The following CDH5 variants were observed in gnomAD, a reference collection of about 807,000 sequenced individuals.
CDH5 encodes cadherin-5.
Under a neutral mutation model 62.0 loss-of-function variants are expected in CDH5, and 28 were observed. That is an observed-to-expected ratio of 0.45 (90% CI 0.33 to 0.62). CDH5 has a LOEUF of 0.62. CDH5 is among the 20% of genes least tolerant of loss of function. The probability of loss-of-function intolerance (pLI) is 0.02; values close to 1 mark genes in which losing one functional copy is unlikely to be tolerated. For missense variants in CDH5, 940 were observed against 1,065.1 expected (o/e 0.88, Z 1.63); for synonymous variants, 464 against 445.8 (o/e 1.04, Z -0.52).
intron 1 of CDH5, among the ~76,000 whole-genome samples, chr16:66,370,902 G>A (rs189273657): frequency 3.3e-5 from 5 of 152,306 alleles, no homozygotes; most frequent in Non-Finnish European, 5.9e-5. Flanking sequence ...GAGGAGAGCT[G>A]GCAGGGTGGG....
chr16:66,376,313 T>C (rs1041507905), intron 1 of CDH5: 3 of 152,164 alleles, frequency 2.0e-5, no homozygotes, highest in Admixed American at 6.5e-5. Flanking sequence ...CACATTCATA[T>C]GTGCAGTCCA....
intron 1 of CDH5, chr16:66,377,067 G>A (rs1280583595): frequency 4.6e-5 from 7 of 152,242 alleles, no homozygotes; most frequent in Non-Finnish European, 1.0e-4. Context: ...CTTGAGGCAG[G>A]AAGAAAGAAT....
At chr16:66,386,541 G>A (rs931128503) in intron 2 of CDH5, among the ~76,000 whole-genome samples, 1 of 152,066 alleles carries the variant, frequency 6.6e-6, no homozygotes, top group Non-Finnish European at 1.5e-5. Context: ...TGGATTTGTT[G>A]CTTCTGGGTT....
chr16:66,384,661 C>CAA (rs10630303), intron 2 of CDH5, among the ~76,000 whole-genome samples: 15,092 of 101,482 alleles, frequency 0.15, 1,361 homozygotes, highest in Middle Eastern at 0.24. Flanking sequence ...GTACCTGTCT[C>CAA]AAAAAAAAAA....
At chr16:66,381,053 C>A (rs937972262) in intron 2 of CDH5, among the ~76,000 whole-genome samples, 1 of 152,036 alleles carries the variant, frequency 6.6e-6, no homozygotes, top group Non-Finnish European at 1.5e-5. Context: ...CCAACCCTGC[C>A]GTGAAATTTT....
Position 66,390,553 on chromosome 16 carries a change from A to G in CDH5, c.932A>G (p.Asn311Ser). 6.2e-7 allele frequency: 1 copy of G among 1,613,544 alleles called. No individual in the cohort carries two copies. The highest frequency in any genetic ancestry group is 8.5e-7 in the Non-Finnish European group (1 of 1,179,884). ...CAGGACGCTTTCACCATTGAGACAAACCCCGCCCACAACGAGGGCATCATC... is the reference window on the plus strand; with the variant it reads ...CAGGACGCTTTCACCATTGAGACAAGCCCCGCCCACAACGAGGGCATCATC... ...DYQDAFTIET[N>S]PAHNEGIIKP... The change falls in exon 6 of 12, where the codon AAC (asparagine) becomes AGC (serine). Residue 311 changes from asparagine to serine, a missense_variant. By Grantham distance (46) the Asn-to-Ser change is conservative. Transcript: ENST00000341529.
intron 1 of CDH5, 72 bp from the exon 2 acceptor site, chr16:66,379,247 T>G: frequency 9.8e-6 from 11 of 1,123,430 alleles, no homozygotes; most frequent in Non-Finnish European, 1.3e-5. Context: ...TGCTCTTATG[T>G]GAAATACCTG....
At chr16:66,399,579 T>C (rs1961245986) in intron 10 of CDH5, among the ~76,000 whole-genome samples, 10 of 152,176 alleles carry the variant, frequency 6.6e-5, no homozygotes, top group Admixed American at 6.5e-4. Flanking sequence ...CCCTGATGTG[T>C]TGACAGTCAA....
In CDH5 at chr16:66,403,144, AC is replaced by A. The variant is rs756493399; in HGVS notation, c.2335del (p.Arg779GlyfsTer93). On this transcript the variant is annotated frameshift_variant, in exon 12 of 12. Transcript: ENST00000341529. LOFTEE classifies it high-confidence loss of function. This position sits in a 1 kb window ranked among gnomAD's most constrained non-coding sequence, Gnocchi z 4.3. ...FKMLAELYGS[D>X]PREELLY ...ATGCTGGCTGAGCTGTACGGCTCGGACCCCCGGGAGGAGCTGCTGTATTAGG... is the reference window on the plus strand; with the variant it reads ...ATGCTGGCTGAGCTGTACGGCTCGGACCCCGGGAGGAGCTGCTGTATTAGG... 1.9e-6 allele frequency: 3 copies of A among 1,611,640 alleles called. No homozygotes were observed. The African/African-American group carries it at 4.0e-5, about 22-fold the overall frequency.
In CDH5 at chr16:66,404,742, A is replaced by G. The variant is rs1342313206; in HGVS notation, c.*1573A>G. The G allele has an allele frequency of 2.6e-5, 4 of 152,544 alleles. No homozygotes were observed. The highest frequency in any genetic ancestry group is 1.5e-5 in the Non-Finnish European group (1 of 68,020). 9.4% of individuals were successfully genotyped at this position (152,544 alleles called of 1,614,324 possible). On this transcript the variant is annotated 3_prime_UTR_variant, in exon 12 of 12. Transcript: ENST00000341529. ...CAAACTGGTGCATGACAAGTACTGT[A>G]TTTTTTTATACCTAAATAAAGAAAA...
At chr16:66,381,071 G>A (rs1025839272) in intron 2 of CDH5, among the ~76,000 whole-genome samples, 1 of 152,110 alleles carries the variant, frequency 6.6e-6, no homozygotes, top group Admixed American at 6.5e-5. Flanking sequence ...TTTCCCATTT[G>A]AAAGATCGGA....
At chr16:66,396,305 T>A in intron 8 of CDH5, 104 bp downstream of exon 8, 3 of 1,433,204 alleles carry the variant, frequency 2.1e-6, no homozygotes, top group Non-Finnish European at 2.9e-6. Context: ...GTATTAGAAG[T>A]GCCTGCTGAA....
At chr16:66,374,526 A>G (rs1365069836) in intron 1 of CDH5, among the ~76,000 whole-genome samples, 1 of 152,190 alleles carries the variant, frequency 6.6e-6, no homozygotes, top group Admixed American at 6.5e-5. Flanking sequence ...TGCTGGACAC[A>G]CAACAGAATC....
intron 11 of CDH5, among the ~76,000 whole-genome samples, chr16:66,401,735 G>A (rs529597470): frequency 1.6e-4 from 24 of 152,326 alleles, no homozygotes; most frequent in African/African-American, 5.1e-4. Flanking sequence ...TAGGGTTGCC[G>A]GGAGGCAGCG....
chr16:66,400,068 A>G (rs1961254026), intron 10 of CDH5, among the ~76,000 whole-genome samples: 1 of 152,232 alleles, frequency 6.6e-6, no homozygotes, highest in African/African-American at 2.4e-5. Context: ...GCCTCTGCCC[A>G]GAACCACTGA....
intron 10 of CDH5, among the ~76,000 whole-genome samples, chr16:66,399,310 T>C (rs1255504824): frequency 6.6e-6 from 1 of 152,210 alleles, no homozygotes; most frequent in Admixed American, 6.5e-5. Context: ...CAAGCTTCCA[T>C]GGCCTCTGAA....
In CDH5 at chr16:66,403,076, C is replaced by T. The variant is rs1281222213; in HGVS notation, c.2262C>T (p.Asp754=). ...SSLGTDSSDS[D]VDYDFLNDWG... ...TGGGCACCGACTCATCCGACTCTGA[C>T]GTGGATTACGACTTCCTTAACGACT... Residue 754 remains aspartate (D), a synonymous_variant, in exon 12 of 12, where the codon GAC becomes GAT. Transcript: ENST00000341529. The surrounding 1 kb of genome is among the most constrained non-coding windows in gnomAD (Gnocchi z 4.3). 1 of 1,613,650 alleles carries T rather than the reference C, an allele frequency of 6.2e-7. No individual in the cohort carries two copies. The highest frequency in any genetic ancestry group is 1.3e-5 in the African/African-American group (1 of 74,928).
At chr16:66,386,256 G>A (rs1960980752) in intron 2 of CDH5, among the ~76,000 whole-genome samples, 1 of 151,392 alleles carries the variant, frequency 6.6e-6, no homozygotes, top group African/African-American at 2.4e-5. Flanking sequence ...TTGGTGACTA[G>A]TCAGAGGTTC....
Position 66,402,931 on chromosome 16 carries a change from C to T in CDH5, c.2117C>T (p.Ala706Val). Residue 706 changes from alanine (A) to valine (V), a missense_variant, in exon 12 of 12, where the codon GCA (alanine) becomes GTA (valine). Ala to Val is a moderately conservative substitution (Grantham distance 64). Coordinates refer to ENST00000341529, the MANE Select transcript of CDH5 (RefSeq NM_001795.5). ...GCACACGGAGGGCCCGGGGAGATGG[C>T]AGCCATGATCGAGGTGAAGAAGGAC... ...PGAHGGPGEM[A>V]AMIEVKKDEA... 1.2e-6 allele frequency: 2 copies of T among 1,612,256 alleles called. No individual in the cohort carries two copies. Among genetic ancestry groups the T allele is most frequent in the Non-Finnish European group, 1.7e-6 (2 of 1,179,876 alleles).
Sources: gnomAD v4.1 joint callset for allele counts (sites outside exome capture counted in the v4.1 genomes callset) on GRCh38, gnomAD v4.1.1 for gene constraint, Gnocchi (gnomAD v3.1) non-coding constraint, MANE v1.5 for transcripts, NCBI Gene and HGNC (gene_info 2026-07-23, HGNC 2026-07-21) for gene names.